Variants in ZFHX3 observed in about 807,000 individuals in gnomAD.
ZFHX3 encodes zinc finger homeobox 3, also known as zinc finger homeobox protein 3.
A neutral mutation model predicts 279.1 loss-of-function variants in ZFHX3; 42 were observed. The ratio of observed to expected loss-of-function variants is 0.15; its 90% confidence interval spans 0.12 to 0.19. The LOEUF is 0.19. Among genes scored for constraint, ZFHX3 ranks in the 10% least tolerant of loss-of-function variants. The pLI is 1.00. For missense variants in ZFHX3, 4,981 were observed against 4,754.0 expected (o/e 1.05, Z -1.40); for synonymous variants, 2,293 against 1,957.8 (o/e 1.17, Z -4.52).
intron 8 of ZFHX3, among the ~76,000 whole-genome samples, chr16:73,070,421 A>T (rs1417864908): frequency 6.6e-6 from 1 of 151,464 alleles, no homozygotes; most frequent in Non-Finnish European, 1.5e-5. Context: ...CACCTCTATT[A>T]TTTTTTTTTA....
At chr16:73,311,772 T>A (rs753258280) in intron 4 of ZFHX3, among the ~76,000 whole-genome samples, 5 of 152,140 alleles carry the variant, frequency 3.3e-5, no homozygotes, top group Non-Finnish European at 7.3e-5. Flanking sequence ...ATTTGAAACA[T>A]AGGCCAAACT....
At chr16:73,812,038 G>T (rs1275679304) in intron 1 of ZFHX3, among the ~76,000 whole-genome samples, 1 of 152,186 alleles carries the variant, frequency 6.6e-6, no homozygotes, top group African/African-American at 2.4e-5. Context: ...CTACCCCCAA[G>T]GTTATATGGC....
intron 2 of ZFHX3, among the ~76,000 whole-genome samples, chr16:73,457,968 C>G (rs1778946616): frequency 2.0e-5 from 3 of 152,086 alleles, no homozygotes; most frequent in African/African-American, 7.2e-5. Context: ...CACTTAAGCT[C>G]AGGTGTTTAA....
intron 4 of ZFHX3, among the ~76,000 whole-genome samples, chr16:73,304,059 T>C (rs888836598): frequency 2.0e-5 from 3 of 150,250 alleles, no homozygotes; most frequent in African/African-American, 7.3e-5. Flanking sequence ...TGGTCCTGCA[T>C]AGATGTCACT....
At chr16:73,805,232 A>C (rs1476179334) in intron 1 of ZFHX3, among the ~76,000 whole-genome samples, 2 of 152,056 alleles carry the variant, frequency 1.3e-5, no homozygotes, top group Non-Finnish European at 2.9e-5. Flanking sequence ...GCAATGGCAC[A>C]ACCTCTGCTC....
At chr16:73,799,481 T>G (rs1161532166) in intron 1 of ZFHX3, among the ~76,000 whole-genome samples, 2 of 152,124 alleles carry the variant, frequency 1.3e-5, no homozygotes, top group African/African-American at 4.8e-5. Flanking sequence ...CATTCTCATC[T>G]GCAAAGATGG....
At chr16:72,987,402 C>G (rs1962893978) in intron 1 of ZFHX3, among the ~76,000 whole-genome samples, 1 of 152,170 alleles carries the variant, frequency 6.6e-6, no homozygotes, top group African/African-American at 2.4e-5. Flanking sequence ...CCTCCCCGAT[C>G]AAAGCATGGA....
At chr16:72,946,456 A>G (rs1049692789) in intron 3 of ZFHX3, among the ~76,000 whole-genome samples, 8 of 152,232 alleles carry the variant, frequency 5.3e-5, no homozygotes, top group Non-Finnish European at 1.0e-4. Flanking sequence ...TCTATCTGCT[A>G]AAGTTGACAG....
chr16:73,572,994 G>A (rs548288774), intron 2 of ZFHX3, among the ~76,000 whole-genome samples: 2 of 152,134 alleles, frequency 1.3e-5, no homozygotes, highest in Admixed American at 6.5e-5. Flanking sequence ...TTTCATTATC[G>A]GAACAGCTTT....
At chr16:73,338,734 T>C (rs1353889501) in intron 3 of ZFHX3, among the ~76,000 whole-genome samples, 2 of 152,126 alleles carry the variant, frequency 1.3e-5, no homozygotes, top group East Asian at 3.8e-4. Context: ...GGTGATATAG[T>C]TTGGATGTGT....
chr16:73,108,169 A>C (rs1266158799), intron 7 of ZFHX3, among the ~76,000 whole-genome samples: 1 of 151,558 alleles, frequency 6.6e-6, no homozygotes, highest in African/African-American at 2.4e-5. Flanking sequence ...TCAAATAAAC[A>C]ACAACAACAA....
chr16:73,540,966 A>C (rs1157415626), intron 2 of ZFHX3, among the ~76,000 whole-genome samples: 9 of 152,058 alleles, frequency 5.9e-5, no homozygotes, highest in African/African-American at 1.9e-4. Context: ...TTTAGAATAG[A>C]TGGTAGGGGT....
intron 3 of ZFHX3, among the ~76,000 whole-genome samples, chr16:73,433,925 G>T (rs999882260): frequency 1.3e-5 from 2 of 152,222 alleles, no homozygotes; most frequent in African/African-American, 4.8e-5. Context: ...CAGCCAGAGG[G>T]AGAAAGACTG....
intron 2 of ZFHX3, among the ~76,000 whole-genome samples, chr16:73,544,358 G>T (rs1298432889): frequency 6.6e-6 from 1 of 152,150 alleles, no homozygotes; most frequent in Non-Finnish European, 1.5e-5. Context: ...CCCCGCTTAG[G>T]GTAAATTTTC....
intron 1 of ZFHX3, among the ~76,000 whole-genome samples, chr16:73,787,077 T>C (rs1959671356): frequency 6.6e-6 from 1 of 152,238 alleles, no homozygotes; most frequent in Admixed American, 6.5e-5. Flanking sequence ...CAAGATTGTA[T>C]GCTTTTTCAT....
At position 73,687,796 on chromosome 16, in the gene ZFHX3, C is replaced by T. The variant is rs375733718; in HGVS notation, c.-1607-7556G>A. ...CCAGGAGGCAGAGGTTGCAGTGAGC[C>T]GAGATTGTGCCACTGCACTCCAAAC... On this transcript the variant is annotated intron_variant, in intron 1 of 17. Transcript: ENST00000641206. Among the ~76,000 whole-genome samples the T allele has an allele frequency of 1.5e-4, 15 of 98,386 alleles. No individual in the cohort carries two copies. The East Asian group carries it at 4.7e-3, about 31-fold the overall frequency. 64.5% of individuals were successfully genotyped at this position (98,386 alleles called of 152,430 possible).
chr16:73,762,147 AC>A lies in ZFHX3; in HGVS notation c.-1607-81908del, dbSNP rs760420488. Among the ~76,000 whole-genome samples, 395 of 151,792 alleles carry A rather than the reference AC, an allele frequency of 2.6e-3. 2 individuals carry two copies. Among genetic ancestry groups the A allele is most frequent in the South Asian group, 5.6e-3 (27 of 4,814 alleles). On this transcript the variant is annotated intron_variant, in intron 1 of 17. Coordinates refer to the ZFHX3 transcript ENST00000641206. ...AAACAAATTTACAAGAAAAAAAAAA[AC>A]AACACCATTAAAAAGTAGGCAAAGG... is the stretch of plus-strand genomic sequence containing the variant.
At chr16:73,461,762 T>C (rs9888988) in intron 2 of ZFHX3, among the ~76,000 whole-genome samples, 89,229 of 152,130 alleles carry the variant, frequency 0.59, 30,396 homozygotes, top group Non-Finnish European at 0.78. Context: ...CCACACAGCA[T>C]TGATTCCTAT....
intron 1 of ZFHX3, among the ~76,000 whole-genome samples, chr16:73,874,403 A>C (rs1159782561): frequency 6.6e-6 from 1 of 152,216 alleles, no homozygotes; most frequent in Non-Finnish European, 1.5e-5. Flanking sequence ...AAATGAACAA[A>C]GTATATCATA....
Sources: gnomAD v4.1 joint callset for allele counts (sites outside exome capture counted in the v4.1 genomes callset) on GRCh38, gnomAD v4.1.1 for gene constraint, MANE v1.5 for transcripts, NCBI Gene and HGNC (gene_info 2026-07-23, HGNC 2026-07-21) for gene names.